STXBP5L: variants seen among roughly 807,000 people sequenced by gnomAD.
STXBP5L encodes syntaxin binding protein 5L, also known as syntaxin-binding protein 5-like.
In STXBP5L, 65 loss-of-function variants were observed where a neutral mutation model predicts 144.5. The ratio of observed to expected loss-of-function variants is 0.45; its 90% CI spans 0.37 to 0.55. The LOEUF (loss-of-function observed/expected upper bound fraction) is 0.55, where lower values mean the gene tolerates loss of function less well. STXBP5L is among the 20% of genes least tolerant of loss of function. The pLI, the probability that STXBP5L is intolerant of heterozygous loss-of-function variation, is 0.00. For missense variants in STXBP5L, 1,298 were observed against 1,405.5 expected, an observed-to-expected ratio of 0.92 and a Z score of 1.22; for synonymous variants, 505 against 469.6, an observed-to-expected ratio of 1.08 and a Z score of -0.97.
intron 19 of STXBP5L, among the ~76,000 whole-genome samples, chr3:121,290,026 C>A (rs2051369671): frequency 6.6e-6 from 1 of 151,564 alleles, no homozygotes; most frequent in African/African-American, 2.4e-5. Flanking sequence ...AAACCCAAAC[C>A]CAGCAGAAAA....
intron 3 of STXBP5L, among the ~76,000 whole-genome samples, chr3:120,982,364 A>G (rs1941864705): frequency 6.6e-6 from 1 of 152,204 alleles, no homozygotes; most frequent in African/African-American, 2.4e-5. Context: ...TGACAAGAGA[A>G]GACATCAGCA....
intron 9 of STXBP5L, among the ~76,000 whole-genome samples, chr3:121,180,804 G>A (rs116755351): frequency 0.099 from 15,102 of 152,184 alleles, 1,182 homozygotes; most frequent in Admixed American, 0.2. Flanking sequence ...AACCTAGGAG[G>A]TGCGGTTGCA....
At chr3:120,960,558 A>G (rs1395165558) in intron 3 of STXBP5L, among the ~76,000 whole-genome samples, 3 of 152,220 alleles carry the variant, frequency 2.0e-5, no homozygotes, top group Non-Finnish European at 4.4e-5. Flanking sequence ...ACACATATAC[A>G]CCATGGAATA....
intron 3 of STXBP5L, among the ~76,000 whole-genome samples, chr3:120,961,266 C>CTTTTTTTTTTTT (rs1197589260): frequency 7.2e-6 from 1 of 137,976 alleles, no homozygotes; most frequent in Non-Finnish European, 1.6e-5. Context: ...TTTAGTCTTT[C>CTTTTTTTTTTTT]TTTTTTTGTT....
intron 20 of STXBP5L, among the ~76,000 whole-genome samples, chr3:121,346,946 C>A (rs2045016332): frequency 6.6e-6 from 1 of 151,676 alleles, no homozygotes; most frequent in African/African-American, 2.4e-5. Context: ...TGCAGAAGGT[C>A]TTTAGTTTAA....
At chr3:121,041,594 A>G (rs1947159550) in intron 3 of STXBP5L, 106 bp from the exon 4 acceptor site, 1 of 802,388 alleles carries the variant, frequency 1.2e-6, no homozygotes, top group Non-Finnish European at 2.0e-6. Context: ...TATAAAAATA[A>G]GGGAAACCAA....
At chr3:121,175,791 A>G (rs2108080646) in intron 9 of STXBP5L, among the ~76,000 whole-genome samples, 1 of 152,158 alleles carries the variant, frequency 6.6e-6, no homozygotes, top group East Asian at 1.9e-4. Flanking sequence ...TGAAAAAAGC[A>G]AGACTCAACT....
At chr3:120,982,264 A>C (rs1320379048) in intron 3 of STXBP5L, among the ~76,000 whole-genome samples, 1 of 152,150 alleles carries the variant, frequency 6.6e-6, no homozygotes, top group Non-Finnish European at 1.5e-5. Flanking sequence ...TAGAATGCCC[A>C]GTTTCCAGGA....
At chr3:121,098,471 A>G (rs1387089070) in intron 5 of STXBP5L, among the ~76,000 whole-genome samples, 1 of 152,208 alleles carries the variant, frequency 6.6e-6, no homozygotes, top group Non-Finnish European at 1.5e-5. Context: ...TGCTGTCCTC[A>G]TGATAATGAG....
intron 20 of STXBP5L, among the ~76,000 whole-genome samples, chr3:121,354,898 A>G (rs1204521819): frequency 1.3e-5 from 2 of 151,960 alleles, no homozygotes; most frequent in Non-Finnish European, 2.9e-5. Context: ...TGGTGACAAA[A>G]TCTCTCAGCA....
chr3:121,063,689 C>T (rs6798684), intron 5 of STXBP5L, among the ~76,000 whole-genome samples: 15,111 of 152,136 alleles, frequency 0.099, 1,185 homozygotes, highest in Admixed American at 0.2. Flanking sequence ...GATGCCTTGC[C>T]CAGCAAGGAG....
At chr3:121,043,968 G>A (rs1040084256) in intron 4 of STXBP5L, among the ~76,000 whole-genome samples, 1 of 152,070 alleles carries the variant, frequency 6.6e-6, no homozygotes, top group Non-Finnish European at 1.5e-5. Context: ...AAAATCAAGT[G>A]TAACTCATCA....
intron 20 of STXBP5L, among the ~76,000 whole-genome samples, chr3:121,343,971 AG>A (rs2044840764): frequency 6.6e-6 from 1 of 152,174 alleles, no homozygotes; most frequent in Non-Finnish European, 1.5e-5. Flanking sequence ...ACAAAGCTGG[AG>A]GCATCAAGCT....
intron 14 of STXBP5L, among the ~76,000 whole-genome samples, chr3:121,250,490 C>T (rs2049994994): frequency 6.6e-6 from 1 of 151,940 alleles, no homozygotes; most frequent in African/African-American, 2.4e-5. Flanking sequence ...AACCTTTTTA[C>T]AGTAAAGTCT....
chr3:121,407,419 G>T lies in STXBP5L; in HGVS notation c.2764G>T (p.Asp922Tyr). 1 of 1,613,152 alleles carries T rather than the reference G, an allele frequency of 6.2e-7. No individual in the cohort carries two copies. The change falls in exon 23 of 27, where the codon GAT (aspartate) becomes TAT (tyrosine). Residue 922 changes from aspartate (D) to tyrosine (Y), a missense_variant. Transcript: ENST00000471454. ...ATCTTCTGCATCCCAAGAAATAGGA[G>T]ATCATCAGTATACAATAATCTGCTC... ...NSSSASQEIG[D>Y]HQYTIICSEK...
At chr3:121,094,171 T>C (rs1238739648) in intron 5 of STXBP5L, among the ~76,000 whole-genome samples, 1 of 152,192 alleles carries the variant, frequency 6.6e-6, no homozygotes. Context: ...TTACATTTGC[T>C]GAGGAGAGCT....
intron 20 of STXBP5L, among the ~76,000 whole-genome samples, chr3:121,355,933 T>TAAC (rs1197797087): frequency 6.6e-6 from 1 of 152,238 alleles, no homozygotes; most frequent in East Asian, 1.9e-4. Context: ...GTTTTCCTTC[T>TAAC]AACAGTCAGG....
intron 9 of STXBP5L, among the ~76,000 whole-genome samples, chr3:121,204,614 AATAG>A (rs757436120): frequency 2.0e-5 from 3 of 152,208 alleles, no homozygotes; most frequent in Non-Finnish European, 4.4e-5. Flanking sequence ...ATAGATATGT[AATAG>A]ATAAACAATG....
At chr3:121,085,872 C>T (rs1231392775) in intron 5 of STXBP5L, among the ~76,000 whole-genome samples, 1 of 152,056 alleles carries the variant, frequency 6.6e-6, no homozygotes, top group Admixed American at 6.5e-5. Context: ...CCAAGACAAT[C>T]CTAAGCAAAA....
Sources: gnomAD v4.1 joint callset for allele counts (sites outside exome capture counted in the v4.1 genomes callset) on GRCh38, gnomAD v4.1.1 for gene constraint, MANE v1.5 for transcripts, NCBI Gene and HGNC (gene_info 2026-07-23, HGNC 2026-07-21) for gene names.